The following CLASP2 variants were observed in gnomAD, a reference collection of about 807,000 sequenced individuals.
CLASP2 encodes CLIP-associating protein 2.
In CLASP2, 47 loss-of-function variants were observed where a neutral mutation model predicts 194.4. The observed-to-expected ratio is 0.24, with a 90% CI of 0.19 to 0.31. The LOEUF (loss-of-function observed/expected upper bound fraction) is 0.31, where lower values mean the gene tolerates loss of function less well. Among genes scored for constraint, CLASP2 ranks in the 10% least tolerant of loss-of-function variants. The pLI is 1.00. For synonymous variants in CLASP2, 619 were observed against 633.5 expected, an observed-to-expected ratio of 0.98 and a Z score of 0.34; for missense variants, 1,445 against 1,823.6, an observed-to-expected ratio of 0.79 and a Z score of 3.78.
At chr3:33,650,054 C>T (rs988415484) in intron 7 of CLASP2, among the ~76,000 whole-genome samples, 10 of 152,076 alleles carry the variant, frequency 6.6e-5, no homozygotes, top group African/African-American at 2.4e-4. Flanking sequence ...AAGAAACAGA[C>T]AATAGGAAAA....
At chr3:33,670,106 G>A (rs768417662) in intron 6 of CLASP2, among the ~76,000 whole-genome samples, 63 of 151,536 alleles carry the variant, frequency 4.2e-4, no homozygotes, top group Non-Finnish European at 7.8e-4. Context: ...ACATATACAC[G>A]CACACATATA....
intron 1 of CLASP2, among the ~76,000 whole-genome samples, chr3:33,703,065 T>C (rs2092476142): frequency 6.6e-6 from 1 of 152,216 alleles, no homozygotes; most frequent in African/African-American, 2.4e-5. Context: ...TTTTTAGATA[T>C]GACACCAAAG....
intron 30 of CLASP2, among the ~76,000 whole-genome samples, chr3:33,549,923 G>A (rs1036799031): frequency 1.3e-5 from 2 of 151,684 alleles, no homozygotes; most frequent in African/African-American, 2.4e-5. Context: ...TTTTAGCAGA[G>A]ACAGGGTTTC....
intron 7 of CLASP2, among the ~76,000 whole-genome samples, chr3:33,646,569 T>C (rs112190760): frequency 0.024 from 3,705 of 152,102 alleles, 138 homozygotes; most frequent in African/African-American, 0.084. Context: ...TACAGAAAGT[T>C]AAGCACTAAA....
chr3:33,521,827 G>A (rs1281286925), intron 34 of CLASP2, among the ~76,000 whole-genome samples: 1 of 152,146 alleles, frequency 6.6e-6, no homozygotes, highest in African/African-American at 2.4e-5. Context: ...GGATGGTAAA[G>A]TGTGGTTAAT....
At chr3:33,646,036 T>C (rs545596882) in intron 7 of CLASP2, among the ~76,000 whole-genome samples, 1 of 150,744 alleles carries the variant, frequency 6.6e-6, no homozygotes, top group African/African-American at 2.4e-5. Context: ...AAATCAACCA[T>C]GACAAACAAC....
At position 33,688,800 on chromosome 3, in the gene CLASP2, A is replaced by G. The variant is rs575208319; in HGVS notation, c.379-432T>C. On this transcript the variant is annotated intron_variant, in intron 3 of 38. Coordinates refer to ENST00000682230, the MANE Select transcript of CLASP2 (RefSeq NM_001365631.1). Reference sequence around the variant, plus strand: ...TGGAACAGGCGCTTTTTTTTTGGACATTTTATAATTCAGACTTTTTTCCTT... The same window carrying G: ...TGGAACAGGCGCTTTTTTTTTGGACGTTTTATAATTCAGACTTTTTTCCTT... 6.6e-3 allele frequency among the ~76,000 whole-genome samples: 1,007 copies of G among 152,178 alleles called. 4 individuals carry two copies. The highest frequency in any genetic ancestry group is 0.017 in the Middle Eastern group (5 of 294).
intron 16 of CLASP2, 100 bp from the exon 17 acceptor site, chr3:33,604,309 ATTTCTTT>A (rs971416857): frequency 6.5e-6 from 5 of 767,714 alleles, no homozygotes; most frequent in East Asian, 2.8e-5. Context: ...GTTGAGAAGT[ATTTCTTT>A]TTTCTTTTTT....
At chr3:33,518,463 G>T (rs1424910089) in intron 34 of CLASP2, among the ~76,000 whole-genome samples, 3 of 152,196 alleles carry the variant, frequency 2.0e-5, no homozygotes, top group African/African-American at 7.2e-5. Flanking sequence ...CTGGGCTTGG[G>T]CCATAGACTA....
At chr3:33,673,836 G>C (rs2087911950) in intron 6 of CLASP2, among the ~76,000 whole-genome samples, 1 of 152,110 alleles carries the variant, frequency 6.6e-6, no homozygotes, top group Non-Finnish European at 1.5e-5. Context: ...AAGATCAAAA[G>C]AGACAAAGAA....
At chr3:33,623,216 G>T (rs2077400738) in intron 10 of CLASP2, among the ~76,000 whole-genome samples, 1 of 152,122 alleles carries the variant, frequency 6.6e-6, no homozygotes, top group Non-Finnish European at 1.5e-5. Flanking sequence ...ATCAAATCAG[G>T]GTAACTGGGG....
chr3:33,546,402 C>T (rs1321390317), intron 30 of CLASP2, among the ~76,000 whole-genome samples: 1 of 152,102 alleles, frequency 6.6e-6, no homozygotes, highest in Non-Finnish European at 1.5e-5. Context: ...CGATCATATC[C>T]TTCCTTTCTT....
chr3:33,643,172 T>C (rs1407535263), intron 8 of CLASP2, among the ~76,000 whole-genome samples: 1 of 151,940 alleles, frequency 6.6e-6, no homozygotes, highest in Non-Finnish European at 1.5e-5. Context: ...TTCAATTTTC[T>C]TCTAAAAAGA....
chr3:33,591,861 T>C (rs923221796), intron 21 of CLASP2, among the ~76,000 whole-genome samples: 2 of 152,178 alleles, frequency 1.3e-5, no homozygotes, highest in African/African-American at 4.8e-5. Flanking sequence ...TAATCAAAAA[T>C]AGATAATCTA....
chr3:33,665,712 A>G (rs2086061552), intron 6 of CLASP2, among the ~76,000 whole-genome samples: 1 of 152,196 alleles, frequency 6.6e-6, no homozygotes, highest in African/African-American at 2.4e-5. Flanking sequence ...ACAAAACAAC[A>G]CAGTATAATT....
At chr3:33,501,797 C>T in intron 37 of CLASP2, 29 bp from the exon 38 acceptor site, 1 of 1,392,778 alleles carries the variant, frequency 7.2e-7, no homozygotes, top group Non-Finnish European at 1.0e-6. Context: ...TGTTAGTACT[C>T]CAGAGAAGTC....
intron 3 of CLASP2, among the ~76,000 whole-genome samples, chr3:33,689,331 C>T (rs1244319914): frequency 6.6e-6 from 1 of 151,450 alleles, no homozygotes; most frequent in Non-Finnish European, 1.5e-5. Flanking sequence ...CCAAAAACAA[C>T]CTAAAATGTA....
At chr3:33,611,372 C>T (rs776254931) in intron 13 of CLASP2, among the ~76,000 whole-genome samples, 1 of 152,126 alleles carries the variant, frequency 6.6e-6, no homozygotes, top group Admixed American at 6.5e-5. Flanking sequence ...TCCCTGAATA[C>T]GCATAGTTTA....
At chr3:33,572,318 T>C (rs912211960) in intron 25 of CLASP2, among the ~76,000 whole-genome samples, 11 of 152,232 alleles carry the variant, frequency 7.2e-5, no homozygotes, top group Admixed American at 1.3e-4. Context: ...ATTCATGACA[T>C]GTGATATGAA....
Sources: gnomAD v4.1 joint callset for allele counts (sites outside exome capture counted in the v4.1 genomes callset) on GRCh38, gnomAD v4.1.1 for gene constraint, MANE v1.5 for transcripts, NCBI Gene and HGNC (gene_info 2026-07-23, HGNC 2026-07-21) for gene names.